Variants in TCF12 observed in about 807,000 individuals in gnomAD.
TCF12 encodes the protein transcription factor 12, also known as DNA-binding protein HTF4.
Under a neutral mutation model 86.0 loss-of-function variants are expected in TCF12, and 45 were observed. The ratio of observed to expected loss-of-function variants is 0.52; its 90% confidence interval spans 0.41 to 0.67. The LOEUF (loss-of-function observed/expected upper bound fraction) is 0.67, where lower values mean the gene tolerates loss of function less well. TCF12 is among the 30% of genes least tolerant of loss of function. The pLI is 0.00. For synonymous variants in TCF12, 330 were observed against 299.6 expected (o/e 1.10, Z -1.05); for missense variants, 881 against 859.9 (o/e 1.02, Z -0.31).
chr15:57,157,553 CTT>C (rs761155684), intron 5 of TCF12, among the ~76,000 whole-genome samples: 8 of 137,158 alleles, frequency 5.8e-5, no homozygotes, highest in African/African-American at 5.4e-5. Flanking sequence ...TAGTTTACTT[CTT>C]TTTTTTTTTT....
At chr15:57,177,219 GT>G (rs1315897492) in intron 6 of TCF12, among the ~76,000 whole-genome samples, 3 of 150,244 alleles carry the variant, frequency 2.0e-5, no homozygotes, top group African/African-American at 7.4e-5. Flanking sequence ...TAAATAAATT[GT>G]TTTGTGGAAA....
At chr15:57,250,325 T>C (rs1322045012) in intron 13 of TCF12, among the ~76,000 whole-genome samples, 2 of 152,148 alleles carry the variant, frequency 1.3e-5, no homozygotes, top group African/African-American at 2.4e-5. Flanking sequence ...CAAAACATCC[T>C]TCCCCCTGGG....
intron 3 of TCF12, among the ~76,000 whole-genome samples, chr15:57,035,022 A>G (rs1351355994): frequency 1.3e-5 from 2 of 152,184 alleles, no homozygotes; most frequent in African/African-American, 4.8e-5. Context: ...TTTCCAGATC[A>G]CTGCGCATAT....
At chr15:57,240,774 G>A (rs1362068888) in intron 12 of TCF12, among the ~76,000 whole-genome samples, 6 of 149,744 alleles carry the variant, frequency 4.0e-5, no homozygotes, top group Middle Eastern at 7.0e-3. Context: ...CAGCTCCTTG[G>A]GAAGTCAAGG....
intron 3 of TCF12, among the ~76,000 whole-genome samples, chr15:56,952,887 A>G (rs867188937): frequency 7.9e-5 from 12 of 152,096 alleles, no homozygotes; most frequent in South Asian, 2.1e-4. Context: ...CAGAAACTCC[A>G]GTACAATTTT....
At chr15:56,984,080 G>A (rs1325102438) in intron 3 of TCF12, among the ~76,000 whole-genome samples, 1 of 148,468 alleles carries the variant, frequency 6.7e-6, no homozygotes, top group African/African-American at 2.5e-5. Context: ...CTTAGGATAT[G>A]TAGAACCTAT....
intron 8 of TCF12, among the ~76,000 whole-genome samples, chr15:57,206,229 G>A (rs904423502): frequency 9.2e-5 from 14 of 152,172 alleles, no homozygotes; most frequent in Non-Finnish European, 1.5e-4. Context: ...GAGGCCAGGC[G>A]TGATGGCTTA....
At chr15:56,933,019 T>C (rs2060314087) in intron 3 of TCF12, among the ~76,000 whole-genome samples, 1 of 152,224 alleles carries the variant, frequency 6.6e-6, no homozygotes, top group Non-Finnish European at 1.5e-5. Context: ...AAGCTGTCTT[T>C]AGACTTTGTG....
At chr15:56,963,565 A>G (rs776674345) in intron 3 of TCF12, among the ~76,000 whole-genome samples, 1 of 152,044 alleles carries the variant, frequency 6.6e-6, no homozygotes, top group Non-Finnish European at 1.5e-5. Flanking sequence ...GTGTTTTGAG[A>G]TATGTGAAAA....
chr15:57,077,530 GATGTT>G (rs1474664640), intron 4 of TCF12, among the ~76,000 whole-genome samples: 5 of 151,770 alleles, frequency 3.3e-5, no homozygotes, highest in Middle Eastern at 3.4e-3. Context: ...AATTTTTGAT[GATGTT>G]ATAAGTATTT....
chr15:57,232,590 A>G, intron 10 of TCF12, 122 bp from the exon 11 acceptor site: 2 of 1,440,852 alleles, frequency 1.4e-6, no homozygotes, highest in Non-Finnish European at 1.9e-6. Flanking sequence ...ATAAATGACA[A>G]TAAGTAGTGC....
chr15:57,221,383 GGTGTGT>G (rs144351636), intron 8 of TCF12, among the ~76,000 whole-genome samples: 2,592 of 148,736 alleles, frequency 0.017, 28 homozygotes, highest in Middle Eastern at 0.041. Flanking sequence ...ATGTGTGTGG[GGTGTGT>G]GTGTGTGTGT....
chr15:56,974,428 C>T (rs1191967862), intron 3 of TCF12, among the ~76,000 whole-genome samples: 2 of 152,028 alleles, frequency 1.3e-5, no homozygotes, highest in East Asian at 1.9e-4. Flanking sequence ...GCTAGTCTTG[C>T]AGCTTTTCTG....
chr15:57,093,446 T>G (rs2049123089), intron 5 of TCF12, among the ~76,000 whole-genome samples: 1 of 152,210 alleles, frequency 6.6e-6, no homozygotes, highest in South Asian at 2.1e-4. Context: ...AATCAGAAAT[T>G]GCTCTTTTTG....
intron 19 of TCF12, among the ~76,000 whole-genome samples, chr15:57,276,795 T>TC (rs2061416557): frequency 6.9e-6 from 1 of 144,764 alleles, no homozygotes; most frequent in Non-Finnish European, 1.5e-5. Flanking sequence ...CTTTTTTTTT[T>TC]CTTTTTTTTT....
At chr15:56,940,131 A>G (rs2060665597) in intron 3 of TCF12, among the ~76,000 whole-genome samples, 1 of 151,972 alleles carries the variant, frequency 6.6e-6, no homozygotes, top group African/African-American at 2.4e-5. Flanking sequence ...ACACTTTGGA[A>G]ACAATATTTT....
At chr15:57,234,468 T>A (rs1025132492) in intron 12 of TCF12, among the ~76,000 whole-genome samples, 1 of 152,188 alleles carries the variant, frequency 6.6e-6, no homozygotes, top group African/African-American at 2.4e-5. Flanking sequence ...AAGAAACTTT[T>A]CCAAGATCAA....
chr15:57,001,783 C>T (rs1438047948), intron 3 of TCF12, among the ~76,000 whole-genome samples: 1 of 152,086 alleles, frequency 6.6e-6, no homozygotes, highest in Admixed American at 6.5e-5. Flanking sequence ...GTGACTGGTT[C>T]CTAGTTCTGC....
chr15:57,086,212 G>GATAATAATAATAATAATAATA lies in TCF12; in HGVS notation c.223-5567_223-5547dup, dbSNP rs60173159. Among the ~76,000 whole-genome samples the GATAATAATAATAATAATAATA allele has an allele frequency of 8.8e-3, 1,242 of 141,580 alleles. 7 individuals carry two copies. Among genetic ancestry groups the GATAATAATAATAATAATAATA allele is most frequent in the East Asian group, 0.017 (86 of 4,922 alleles). The allele number at this position is 141,580 out of a possible 152,430, so 92.9% of individuals were successfully genotyped here. A position where few individuals can be genotyped will look rare whatever the true frequency, so the allele number is the denominator to read the frequency against. ...CATAATCTCTAACTTGGATGATGAT[G>GATAATAATAATAATAATAATA]ATAATAATAATAATAATAATAATAA... On this transcript the variant is annotated intron_variant, in intron 4 of 20. Transcript: ENST00000333725.
Sources: allele counts gnomAD v4.1 joint callset (sites outside exome capture counted in the v4.1 genomes callset), GRCh38; gene constraint gnomAD v4.1.1; transcripts MANE v1.5; gene names NCBI Gene and HGNC (gene_info 2026-07-23, HGNC 2026-07-21).